The following DACH2 variants were observed in gnomAD, a reference collection of about 807,000 sequenced individuals.
The protein encoded by DACH2 is dachshund family transcription factor 2.
DACH2 carries 17 observed loss-of-function variants against 35.8 expected under a neutral mutation model. That is an observed-to-expected ratio of 0.48 (90% CI 0.33 to 0.71). DACH2 has a LOEUF of 0.71. DACH2 is among the 30% of genes least tolerant of loss of function. The pLI, the probability that DACH2 is intolerant of heterozygous loss-of-function variation, is 0.02. For synonymous variants in DACH2, 195 were observed against 177.3 expected (o/e 1.10, Z -0.79); for missense variants, 469 against 472.7 (o/e 0.99, Z 0.07).
intron 4 of DACH2, among the ~76,000 whole-genome samples, chrX:86,679,111 A>C (rs1233648397): frequency 1.0e-5 from 1 of 97,599 alleles, no homozygotes; most frequent in Non-Finnish European, 2.1e-5. Context: ...TTCTACAATA[A>C]TTTAAATTTT....
At chrX:86,520,527 G>A (rs959179239) in intron 3 of DACH2, among the ~76,000 whole-genome samples, 1 of 111,417 alleles carries the variant, frequency 9.0e-6, no homozygotes, top group Non-Finnish European at 1.9e-5. Context: ...CTATTATTAT[G>A]TGGGAGTCTA....
intron 1 of DACH2, among the ~76,000 whole-genome samples, chrX:86,273,548 C>T (rs1223297061): frequency 8.9e-6 from 1 of 112,004 alleles, no homozygotes; most frequent in Non-Finnish European, 1.9e-5. Flanking sequence ...AAAAAAGTTT[C>T]CTTTCAAGCA....
intron 1 of DACH2, among the ~76,000 whole-genome samples, chrX:86,321,896 C>A (rs1015717050): frequency 9.0e-6 from 1 of 111,439 alleles, no homozygotes. Context: ...GAACTGGTAC[C>A]CTAGTGGTGC....
At chrX:86,732,409 C>G (rs1602866641) in intron 6 of DACH2, among the ~76,000 whole-genome samples, 1 of 112,218 alleles carries the variant, frequency 8.9e-6, no homozygotes, top group Admixed American at 9.4e-5. Flanking sequence ...ACCTCCACCC[C>G]CAAAAGGATT....
Position 86,456,949 on chromosome X carries a change from T to C in DACH2, c.528-57330T>C, listed in dbSNP as rs927874262. Among the ~76,000 whole-genome samples, 3 of 112,058 alleles carry C rather than the reference T, an allele frequency of 2.7e-5. No individual in the cohort carries two copies. In the East Asian group the frequency reaches 8.4e-4, roughly 31 times the overall value. ...TACTTGCATTGTTTCTTAGGAGGAG[T>C]TTGATGTAATTTGCATCTTTGTTTT... On this transcript the variant is annotated intron_variant, in intron 2 of 11. Transcript: ENST00000373125.
chrX:86,514,467 A>T (rs1233096618), intron 3 of DACH2, 76 bp downstream of exon 3: 1 of 934,016 alleles, frequency 1.1e-6, no homozygotes, highest in African/African-American at 1.9e-5. Flanking sequence ...TATTGATCTA[A>T]CTGCCTTGTC....
At chrX:86,301,636 C>T (rs1376518726) in intron 1 of DACH2, among the ~76,000 whole-genome samples, 1 of 111,608 alleles carries the variant, frequency 9.0e-6, no homozygotes, top group Non-Finnish European at 1.9e-5. Context: ...TTAGTAATGA[C>T]AAATCCTTTA....
chrX:86,594,299 AG>A (rs2039685388), intron 3 of DACH2, among the ~76,000 whole-genome samples: 1 of 111,048 alleles, frequency 9.0e-6, no homozygotes, highest in South Asian at 3.8e-4. Context: ...CAGAGAATCA[AG>A]TTTTAGTTTC....
intron 4 of DACH2, among the ~76,000 whole-genome samples, chrX:86,671,182 C>T (rs1421972904): frequency 8.9e-6 from 1 of 112,119 alleles, no homozygotes; most frequent in Non-Finnish European, 1.9e-5. Flanking sequence ...TTTAGCACTA[C>T]AGTTCTCTGT....
chrX:86,786,381 T>C (rs1284705730), intron 7 of DACH2, among the ~76,000 whole-genome samples: 2 of 108,480 alleles, frequency 1.8e-5, no homozygotes, highest in Non-Finnish European at 3.9e-5. Context: ...AATGATTATA[T>C]CACAGTTGAT....
chrX:86,572,723 C>T (rs911296503), intron 3 of DACH2, among the ~76,000 whole-genome samples: 1 of 111,531 alleles, frequency 9.0e-6, no homozygotes, highest in African/African-American at 3.3e-5. Flanking sequence ...CTAAACCTGC[C>T]ATACTGCTTC....
intron 1 of DACH2, among the ~76,000 whole-genome samples, chrX:86,295,083 C>T (rs1421860056): frequency 8.9e-5 from 10 of 112,627 alleles, no homozygotes; most frequent in African/African-American, 2.9e-4. Context: ...ACTCCGTGGG[C>T]GTAGGACCCT....
intron 1 of DACH2, among the ~76,000 whole-genome samples, chrX:86,323,630 G>A (rs1379217627): frequency 8.9e-6 from 1 of 112,109 alleles, no homozygotes; most frequent in African/African-American, 3.2e-5. Context: ...GTCGGGCATA[G>A]GGGGCTGGTT....
chrX:86,338,145 TAGAC>T (rs2035349435), intron 1 of DACH2, among the ~76,000 whole-genome samples: 1 of 111,599 alleles, frequency 9.0e-6, no homozygotes, highest in South Asian at 3.7e-4. Context: ...CTGTAAGTAT[TAGAC>T]AGATCAACAA....
intron 6 of DACH2, among the ~76,000 whole-genome samples, chrX:86,739,160 C>G (rs748962075): frequency 8.9e-6 from 1 of 111,883 alleles, no homozygotes; most frequent in African/African-American, 3.2e-5. Context: ...ATGCGTGAGC[C>G]ACCATGCCCA....
At chrX:86,656,845 A>ATGTGTG (rs200143799) in intron 4 of DACH2, among the ~76,000 whole-genome samples, 24 of 78,514 alleles carry the variant, frequency 3.1e-4, no homozygotes, top group African/African-American at 1.2e-3. Flanking sequence ...ATTAAAATAC[A>ATGTGTG]TGTGTGTGTG....
intron 5 of DACH2, among the ~76,000 whole-genome samples, chrX:86,704,839 A>G (rs992456986): frequency 7.2e-5 from 8 of 110,662 alleles, no homozygotes; most frequent in African/African-American, 2.0e-4. Flanking sequence ...AACAATGTGG[A>G]GATTCCTTAA....
At chrX:86,357,195 G>A (rs771621071) in intron 1 of DACH2, among the ~76,000 whole-genome samples, 50 of 112,329 alleles carry the variant, frequency 4.5e-4, no homozygotes, top group African/African-American at 1.6e-3. Context: ...AACTATGCAA[G>A]CTTACTTGAA....
At chrX:86,820,131 T>C (rs1364633669) in intron 11 of DACH2, among the ~76,000 whole-genome samples, 1 of 111,725 alleles carries the variant, frequency 9.0e-6, no homozygotes, top group African/African-American at 3.2e-5. Flanking sequence ...CGTCATAAAG[T>C]ACAAGGGCAC....
Sources: allele counts gnomAD v4.1 joint callset (sites outside exome capture counted in the v4.1 genomes callset), GRCh38; gene constraint gnomAD v4.1.1; transcripts MANE v1.5; gene names NCBI Gene and HGNC (gene_info 2026-07-23, HGNC 2026-07-21).